The following CLTCL1 variants were observed in gnomAD, a reference collection of about 807,000 sequenced individuals.
CLTCL1 encodes clathrin heavy chain like 1, also known as clathrin heavy chain 2.
Under a neutral mutation model 190.0 loss-of-function variants are expected in CLTCL1, and 159 were observed. The observed-to-expected ratio is 0.84, with a 90% CI of 0.74 to 0.95. The LOEUF is 0.95. Among genes scored for constraint, CLTCL1 ranks in the 40% least tolerant of loss-of-function variants. CLTCL1 has a pLI of 0.00. For synonymous variants in CLTCL1, 752 were observed against 769.6 expected (o/e 0.98, Z 0.38); for missense variants, 1,878 against 2,033.4 (o/e 0.92, Z 1.47).
chr22:19,208,251 T>A lies in CLTCL1; in HGVS notation c.3503A>T (p.Tyr1168Phe), dbSNP rs782673220. The A allele has an allele frequency of 2.5e-6, 4 of 1,613,708 alleles. No homozygotes were observed. The highest frequency in any genetic ancestry group is 3.4e-6 in the Non-Finnish European group (4 of 1,179,910). The change falls in exon 22 of 33, where the codon TAT becomes TTT. Residue 1168 changes from tyrosine (Y) to phenylalanine (F), a missense_variant. By Grantham distance (22) the Tyr-to-Phe change is conservative (BLOSUM62 3). Coordinates refer to ENST00000427926, the MANE Select transcript of CLTCL1 (RefSeq NM_007098.4). The part of the protein sequence containing the change: ...QMARKKGRES[Y>F]IETELIFALA... Reference sequence around the variant, plus strand: ...GGCAAAAATAAGTTCAGTCTCTATATAGGACTCACGGCCCTTTTTCCTGGC... The same window carrying A: ...GGCAAAAATAAGTTCAGTCTCTATAAAGGACTCACGGCCCTTTTTCCTGGC...
intron 2 of CLTCL1, among the ~76,000 whole-genome samples, chr22:19,263,837 G>GT: frequency 6.6e-6 from 1 of 152,184 alleles, no homozygotes; most frequent in Non-Finnish European, 1.5e-5. Context: ...AAAAATTCAT[G>GT]TAACTCACTA....
rs542201077 is a variant in CLTCL1, at chr22:19,221,624, G to A, written c.2562-13C>T. On this transcript the variant is annotated splice_polypyrimidine_tract_variant and intron_variant, in intron 16 of 32. Coordinates refer to ENST00000427926, the MANE Select transcript of CLTCL1 (RefSeq NM_007098.4). ...CAGCAGCTTGAGCCTTTGAAAGAAG[G>A]AAGGTGCTGTAAAGTCTCAAGGCTA... The A allele has an allele frequency of 2.9e-5, 46 of 1,563,304 alleles. 1 individual carries two copies. The South Asian group carries it at 5.2e-4, about 18-fold the overall frequency.
At chr22:19,277,161 A>T (rs192946398) in intron 1 of CLTCL1, among the ~76,000 whole-genome samples, 54 of 152,290 alleles carry the variant, frequency 3.5e-4, no homozygotes, top group Admixed American at 1.4e-3. Flanking sequence ...CTGAGAGTAT[A>T]ATTCAGGACG....
In CLTCL1 at chr22:19,204,224, C is replaced by CT. The variant is rs202228309; in HGVS notation, c.3601-2732dup. On this transcript the variant is annotated intron_variant, in intron 22 of 32. Transcript: ENST00000427926. ...GAAGCCAGAGTCCTGATGACGACCCCTGAAGTCCTGACCCGCAGAGGCCAA... is the reference window on the plus strand; with the variant it reads ...GAAGCCAGAGTCCTGATGACGACCCCTTGAAGTCCTGACCCGCAGAGGCCAA... Among the ~76,000 whole-genome samples, 1,093 of 152,288 alleles carry CT rather than the reference C, an allele frequency of 7.2e-3. 17 individuals are homozygous for CT. The highest frequency in any genetic ancestry group is 0.05 in the South Asian group (241 of 4,824).
At chr22:19,183,001 G>C (rs116676796) in intron 30 of CLTCL1, 3 of 270,350 alleles carry the variant, frequency 1.1e-5, no homozygotes, top group Non-Finnish European at 2.2e-5. Context: ...TATGCTAACA[G>C]CTGCACCCCC....
intron 29 of CLTCL1, 50 bp from the exon 30 acceptor site, chr22:19,183,661 G>A (rs782818221): frequency 1.3e-6 from 2 of 1,574,474 alleles, no homozygotes; most frequent in African/African-American, 2.7e-5. Context: ...CAGAGGCTTT[G>A]TGCCTGCAGC....
At chr22:19,183,722 G>A in intron 29 of CLTCL1, 111 bp from the exon 30 acceptor site, 1 of 1,026,568 alleles carries the variant, frequency 9.7e-7, no homozygotes, top group Non-Finnish European at 1.4e-6. Context: ...AGGACTTCCT[G>A]CGCTGTGGAG....
At chr22:19,214,486 T>A (rs1555948557) in intron 19 of CLTCL1, among the ~76,000 whole-genome samples, 2 of 152,136 alleles carry the variant, frequency 1.3e-5, no homozygotes, top group African/African-American at 4.8e-5. Flanking sequence ...GTTGGTTGTG[T>A]TGCAAATATC....
intron 26 of CLTCL1, among the ~76,000 whole-genome samples, chr22:19,194,053 T>G (rs782139415): frequency 6.6e-5 from 10 of 152,208 alleles, no homozygotes; most frequent in Non-Finnish European, 1.3e-4. Flanking sequence ...TACAGAGCGC[T>G]AATTGGTCCA....
Position 19,233,245 on chromosome 22 carries a change from C to G in CLTCL1, c.1442G>C (p.Arg481Pro), listed in dbSNP as rs116398959. The G allele has an allele frequency of 4.3e-6, 7 of 1,613,832 alleles. No individual in the cohort carries two copies. In the African/African-American group the frequency reaches 9.3e-5, roughly 22 times the overall value. ...GATCACTTTGCTTGGCACATTTGCC[C>G]GAAGGTACACACTCAGAGCGAGCAT... ...DPMLALSVYL[R>P]ANVPSKVIQC... The change falls in exon 9 of 33, where the codon CGG (arginine) becomes CCG (proline). Residue 481 changes from arginine (R) to proline (P), a missense_variant. By Grantham distance (103) the Arg-to-Pro change is moderately radical. Coordinates refer to ENST00000427926, the MANE Select transcript of CLTCL1 (RefSeq NM_007098.4).
At chr22:19,217,227 AG>A (rs1490897299) in intron 18 of CLTCL1, among the ~76,000 whole-genome samples, 1 of 152,318 alleles carries the variant, frequency 6.6e-6, no homozygotes, top group African/African-American at 2.4e-5. Context: ...AGGAACCAAA[AG>A]GGTATGCCTG....
intron 2 of CLTCL1, among the ~76,000 whole-genome samples, chr22:19,265,532 T>G (rs1365927662): frequency 6.6e-6 from 1 of 151,922 alleles, no homozygotes; most frequent in African/African-American, 2.4e-5. Context: ...TTAATATATT[T>G]TATATATTCA....
At position 19,291,704 on chromosome 22, in the gene CLTCL1, CG is replaced by C; in HGVS notation, c.-64del. On this transcript the variant is annotated 5_prime_UTR_variant, in exon 1 of 33. Coordinates refer to ENST00000427926, the MANE Select transcript of CLTCL1 (RefSeq NM_007098.4). ...CAGGAATGAACGCCGACCCCTCGCGCGGGCTGACCGGTGGCGACGGCGCAGG... is the reference window on the plus strand; with the variant it reads ...CAGGAATGAACGCCGACCCCTCGCGCGGCTGACCGGTGGCGACGGCGCAGG... 7.7e-7 allele frequency: 1 copy of C among 1,302,744 alleles called. No homozygotes were observed. The allele number at this position is 1,302,744 out of a possible 1,614,324, so 80.7% of individuals were successfully genotyped here.
At chr22:19,215,460 G>A (rs1337725268) in intron 19 of CLTCL1, among the ~76,000 whole-genome samples, 2 of 152,206 alleles carry the variant, frequency 1.3e-5, no homozygotes, top group African/African-American at 2.4e-5. Context: ...GCGGAAGCAC[G>A]CACTCTTACC....
chr22:19,243,693 C>CTTTTTTTTTTTTTTTTTTT (rs1238694667), intron 3 of CLTCL1, among the ~76,000 whole-genome samples: 1 of 103,756 alleles, frequency 9.6e-6, no homozygotes, highest in South Asian at 4.1e-4. Flanking sequence ...TTCTTTCTTT[C>CTTTTTTTTTTTTTTTTTTT]TTTCTTTTTT....
chr22:19,269,636 C>A (rs1395522884), intron 2 of CLTCL1, among the ~76,000 whole-genome samples: 1 of 152,094 alleles, frequency 6.6e-6, no homozygotes, highest in African/African-American at 2.4e-5. Context: ...TTTGCAGGGA[C>A]ATGGATGAAG....
At chr22:19,233,074 AC>A in intron 9 of CLTCL1, 91 bp downstream of exon 9, 1 of 1,379,094 alleles carries the variant, frequency 7.3e-7, no homozygotes, top group Non-Finnish European at 1.0e-6. Flanking sequence ...CAGAGGACTT[AC>A]AAAGAAGGGT....
intron 4 of CLTCL1, among the ~76,000 whole-genome samples, chr22:19,240,241 G>T (rs2086210364): frequency 6.6e-6 from 1 of 152,094 alleles, no homozygotes; most frequent in South Asian, 2.1e-4. Context: ...GGGATTACAG[G>T]CACGAGCCAC....
At position 19,219,190 on chromosome 22, in the gene CLTCL1, T is replaced by TTTAC. The variant is rs1253528719; in HGVS notation, c.2919+694_2919+695insGTAA. 2.0e-5 allele frequency among the ~76,000 whole-genome samples: 3 copies of TTTAC among 148,056 alleles called. No homozygotes were observed. In the East Asian group the frequency reaches 5.9e-4, roughly 29 times the overall value. On this transcript the variant is annotated intron_variant, in intron 18 of 32. Transcript: ENST00000427926. Reference sequence around the variant, plus strand: ...ATTTATTTATTTATTTATTTATTTATTTATTTAATTTTTTTGAGACAGAGT... The same window carrying TTTAC: ...ATTTATTTATTTATTTATTTATTTATTTACTTATTTAATTTTTTTGAGACAGAGT...
Sources: gnomAD v4.1 joint callset for allele counts (sites outside exome capture counted in the v4.1 genomes callset) on GRCh38, gnomAD v4.1.1 for gene constraint, MANE v1.5 for transcripts, NCBI Gene and HGNC (gene_info 2026-07-23, HGNC 2026-07-21) for gene names.